FNBP1: variants seen among roughly 807,000 people sequenced by gnomAD.
FNBP1 encodes formin-binding protein 1.
FNBP1 carries 26 observed loss-of-function variants against 90.6 expected under a neutral mutation model. The observed-to-expected ratio is 0.29, with a 90% CI of 0.21 to 0.40. The LOEUF (loss-of-function observed/expected upper bound fraction) is 0.40, where lower values mean the gene tolerates loss of function less well. Ranked by LOEUF, FNBP1 falls within the 10% of genes least tolerant of loss-of-function variation. The pLI, the probability that FNBP1 is intolerant of heterozygous loss-of-function variation, is 1.00. For missense variants in FNBP1, 635 were observed against 768.0 expected (o/e 0.83, Z 2.05); for synonymous variants, 260 against 265.2 (o/e 0.98, Z 0.19).
rs1038060678 is a variant in FNBP1 at position 129,929,612 on chromosome 9, A to G, written c.597T>C (p.His199=). The G allele has an allele frequency of 1.2e-6, 2 of 1,613,786 alleles. No individual in the cohort carries two copies. The highest frequency in any genetic ancestry group is 1.7e-6 in the Non-Finnish European group (2 of 1,179,718). Residue 199 remains histidine (H), a synonymous_variant, in exon 7 of 17, where the codon CAT becomes CAC. Coordinates refer to ENST00000446176, the MANE Select transcript of FNBP1 (RefSeq NM_015033.3). The part of the protein sequence containing the change: ...DYSSILQKFN[H]EQHEYYHTHI... ...GAGTATGGTAATATTCATGCTGCTC[A>G]TGGTTGAATTTCTGGAGAATGGATG...
intron 16 of FNBP1, among the ~76,000 whole-genome samples, chr9:129,894,776 T>A (rs1449352079): frequency 2.0e-5 from 3 of 152,198 alleles, no homozygotes; most frequent in Non-Finnish European, 2.9e-5. Context: ...ACTGTCAATT[T>A]GGGCCAGGTG....
chr9:129,994,485 A>G (rs1292241545), intron 2 of FNBP1, among the ~76,000 whole-genome samples: 1 of 152,216 alleles, frequency 6.6e-6, no homozygotes, highest in East Asian at 1.9e-4. Flanking sequence ...GCCCGGTTAC[A>G]TGAGTGTGTT....
At position 129,925,236 on chromosome 9, in the gene FNBP1, G is replaced by A. The variant is rs148319606; in HGVS notation, c.790-79C>T. On this transcript the variant is annotated intron_variant, in intron 8 of 16. Coordinates refer to ENST00000446176, the MANE Select transcript of FNBP1 (RefSeq NM_015033.3). ...TTAAACAATGAATTGGCCAGGTGCG[G>A]TGGCTCATGCCTGTAATCCCAGCAC... 4.3e-6 allele frequency: 5 copies of A among 1,168,418 alleles called. No homozygotes were observed. The African/African-American group carries it at 6.0e-5, about 14-fold the overall frequency. 72.4% of individuals were successfully genotyped at this position (1,168,418 alleles called of 1,614,324 possible). A position where few individuals can be genotyped will look rare whatever the true frequency, so the allele number is the denominator to read the frequency against.
intron 4 of FNBP1, among the ~76,000 whole-genome samples, chr9:129,976,350 G>A (rs2050305393): frequency 6.6e-6 from 1 of 152,138 alleles, no homozygotes; most frequent in Non-Finnish European, 1.5e-5. Flanking sequence ...TCCAGACACT[G>A]ATAAATGTGG....
chr9:129,966,198 T>C lies in FNBP1; in HGVS notation c.346-7645A>G, dbSNP rs1309136643. On this transcript the variant is annotated intron_variant, in intron 4 of 16. Transcript: ENST00000446176. This position sits in a 1 kb window ranked among gnomAD's most constrained non-coding sequence, Gnocchi z 4.3. ...AGACAAGGGCAGTCTGGGATGACAT[T>C]TGAGTAGAGACTTGCATAAAACGTG... Among the ~76,000 whole-genome samples the C allele has an allele frequency of 6.6e-6, 1 of 152,076 alleles. No homozygotes were observed. The highest frequency in any genetic ancestry group is 2.4e-5 in the African/African-American group (1 of 41,408).
intron 12 of FNBP1, among the ~76,000 whole-genome samples, chr9:129,908,224 G>A (rs1172271210): frequency 8.3e-6 from 1 of 120,772 alleles, no homozygotes; most frequent in Non-Finnish European, 1.7e-5. Context: ...TTTTTTTTGA[G>A]ATAGGGTCTC....
At chr9:130,053,847 C>A in the FNBP1 span, 7 of 1,319,024 alleles carry the variant, frequency 5.3e-6, no homozygotes, top group Non-Finnish European at 7.3e-6. Flanking sequence ...GCCGCCGAGC[C>A]CCGCTCCCCG....
At chr9:129,973,902 C>T (rs576808610) in intron 4 of FNBP1, among the ~76,000 whole-genome samples, 34 of 152,010 alleles carry the variant, frequency 2.2e-4, no homozygotes, top group African/African-American at 7.5e-4. Flanking sequence ...CCTCCGCCTC[C>T]CAGGTTCGAG....
Position 129,900,582 on chromosome 9 carries a change from G to T in FNBP1, c.1429-35C>A. ...AAAGCAATGAGAGACTCCAACCTAA[G>T]GCCATCTGAGGGTCAGCCCAGAGTG... is the stretch of plus-strand genomic sequence containing the variant. On this transcript the variant is annotated intron_variant, in intron 13 of 16. Coordinates refer to ENST00000446176, the MANE Select transcript of FNBP1 (RefSeq NM_015033.3). This position sits in a 1 kb window ranked among gnomAD's most constrained non-coding sequence, Gnocchi z 4.1. 1 of 1,478,656 alleles carries T rather than the reference G, an allele frequency of 6.8e-7. No homozygotes were observed. The highest frequency in any genetic ancestry group is 9.0e-7 in the Non-Finnish European group (1 of 1,116,908). 91.6% of individuals were successfully genotyped at this position (1,478,656 alleles called of 1,614,324 possible). A position where few individuals can be genotyped will look rare whatever the true frequency, so the allele number is the denominator to read the frequency against.
chr9:129,927,753 C>T (rs960123854), intron 7 of FNBP1, among the ~76,000 whole-genome samples: 12 of 117,702 alleles, frequency 1.0e-4, no homozygotes, highest in African/African-American at 3.5e-4. Context: ...GGATTACAGG[C>T]CCCACCCCCC....
At chr9:129,930,879 T>C (rs1050666330) in intron 6 of FNBP1, among the ~76,000 whole-genome samples, 15 of 152,210 alleles carry the variant, frequency 9.9e-5, no homozygotes, top group African/African-American at 3.6e-4. Flanking sequence ...TTTTGGTCTT[T>C]AAGTGACCTG....
At chr9:129,891,090 G>A (rs899171240) in intron 16 of FNBP1, among the ~76,000 whole-genome samples, 1 of 151,938 alleles carries the variant, frequency 6.6e-6, no homozygotes, top group Non-Finnish European at 1.5e-5. Flanking sequence ...AGGAGGCGGA[G>A]GTTGCAGTGA....
rs1356150603 is a variant in FNBP1 at position 129,902,883 on chromosome 9, T to G, written c.1414A>C (p.Thr472Pro). 5 of 1,613,584 alleles carry G rather than the reference T, an allele frequency of 3.1e-6. No individual in the cohort carries two copies. The highest frequency in any genetic ancestry group is 3.4e-6 in the Non-Finnish European group (4 of 1,179,820). The change falls in exon 13 of 17, where the codon ACC becomes CCC. Residue 472 changes from threonine to proline, a missense_variant. Thr to Pro is a conservative substitution (Grantham distance 38). Transcript: ENST00000446176. Reference sequence around the variant, plus strand: ...AAGTTTCATACCTCAAATTTCTGGGTCTCTACTCGCAGTTTCTCTATATTT... The same window carrying G: ...AAGTTTCATACCTCAAATTTCTGGGGCTCTACTCGCAGTTTCTCTATATTT... ...SQNIEKLRVE[T>P]QKFEAWLAEV...
At chr9:129,988,906 G>T (rs760029292) in intron 2 of FNBP1, among the ~76,000 whole-genome samples, 11 of 151,996 alleles carry the variant, frequency 7.2e-5, no homozygotes, top group Non-Finnish European at 1.5e-4. Flanking sequence ...ATTCTCCCCT[G>T]CAATGCAGAA....
At chr9:130,038,985 A>G (rs555814247) in intron 1 of FNBP1, among the ~76,000 whole-genome samples, 43 of 152,304 alleles carry the variant, frequency 2.8e-4, no homozygotes, top group African/African-American at 8.9e-4. Flanking sequence ...TTCCCTCAGT[A>G]AGTAGGCAAG....
chr9:129,962,228 G>A (rs1345732760), intron 4 of FNBP1, among the ~76,000 whole-genome samples: 2 of 152,200 alleles, frequency 1.3e-5, no homozygotes, highest in African/African-American at 4.8e-5. Flanking sequence ...AGCCCTGTGA[G>A]GCCTGGGGGC....
At chr9:129,988,190 C>T (rs1019010273) in intron 2 of FNBP1, among the ~76,000 whole-genome samples, 3 of 151,944 alleles carry the variant, frequency 2.0e-5, no homozygotes, top group Non-Finnish European at 2.9e-5. Flanking sequence ...GTGTCATGGG[C>T]CATAGTTTCT....
chr9:129,979,337 T>C lies in FNBP1; in HGVS notation c.178A>G (p.Lys60Glu). The C allele has an allele frequency of 6.2e-7, 1 of 1,606,904 alleles. No individual in the cohort carries two copies. The highest frequency in any genetic ancestry group is 8.5e-7 in the Non-Finnish European group (1 of 1,174,136). Residue 60 changes from lysine (K) to glutamate (E), a missense_variant, in exon 3 of 17, where the codon AAG becomes GAG. Physicochemically the swap from Lys to Glu is moderately conservative, Grantham distance 56. Transcript: ENST00000446176. ...ACATACTTGTATTCTTCTTCCTCCT[T>C]CGAGTTCTTTTTAGGTTGGTACTTC... is the stretch of plus-strand genomic sequence containing the variant. Reference protein sequence around the residue: ...SKKYQPKKNSKEEEEYKYTSC... With the variant: ...SKKYQPKKNSEEEEEYKYTSC...
At chr9:129,925,375 G>A (rs945994146) in intron 8 of FNBP1, among the ~76,000 whole-genome samples, 17 of 151,292 alleles carry the variant, frequency 1.1e-4, no homozygotes, top group Non-Finnish European at 2.1e-4. Flanking sequence ...GCGTGGTGGC[G>A]GGCGCCTGTA....
Sources: allele counts gnomAD v4.1 joint callset (sites outside exome capture counted in the v4.1 genomes callset), GRCh38; gene constraint gnomAD v4.1.1; non-coding constraint Gnocchi (gnomAD v3.1); transcripts MANE v1.5; gene names NCBI Gene and HGNC (gene_info 2026-07-23, HGNC 2026-07-21).